Variants in CTTNBP2 observed in about 807,000 individuals in gnomAD.
CTTNBP2 encodes cortactin binding protein 2.
CTTNBP2 carries 108 observed loss-of-function variants against 156.9 expected under a neutral mutation model. That is an observed-to-expected ratio of 0.69 (90% confidence interval 0.59 to 0.81). CTTNBP2 has a LOEUF of 0.81. CTTNBP2 is among the 30% of genes least tolerant of loss of function. The probability of loss-of-function intolerance (pLI) is 0.00; values close to 1 mark genes in which losing one functional copy is unlikely to be tolerated. For missense variants in CTTNBP2, 1,924 were observed against 2,035.4 expected, an observed-to-expected ratio of 0.95 and a Z score of 1.05; for synonymous variants, 767 against 751.8, an observed-to-expected ratio of 1.02 and a Z score of -0.33.
chr7:117,767,077 G>C lies in CTTNBP2; in HGVS notation c.2878C>G (p.His960Asp), dbSNP rs138922172. 40 of 1,590,694 alleles carry C rather than the reference G, an allele frequency of 2.5e-5. No individual in the cohort carries two copies. In the African/African-American group the frequency reaches 5.4e-4, roughly 21 times the overall value. Residue 960 changes from histidine to aspartate, a missense_variant, in exon 9 of 23, where the codon CAT (histidine) becomes GAT (aspartate). By Grantham distance (81) the His-to-Asp change is moderately conservative (BLOSUM62 -1). Transcript: ENST00000160373. ...VHDVATDDCK[H>D]LLENLNALKI... ...CACTCACTCAGATTCTCCAGCAAAT[G>C]CTTGCAGTCATCAGTGGCAACATCA...
chr7:117,726,481 G>A (rs553232498), intron 17 of CTTNBP2, among the ~76,000 whole-genome samples: 2 of 152,190 alleles, frequency 1.3e-5, no homozygotes, highest in African/African-American at 4.8e-5. Flanking sequence ...ATGATAAGCT[G>A]TGGTCGGAAA....
At chr7:117,860,512 T>G (rs557149704) in intron 2 of CTTNBP2, among the ~76,000 whole-genome samples, 1 of 152,162 alleles carries the variant, frequency 6.6e-6, no homozygotes, top group East Asian at 1.9e-4. Context: ...CCGGCTAATT[T>G]TTTGTATTTT....
Position 117,865,885 on chromosome 7 carries a change from T to C in CTTNBP2, c.82-4569A>G, listed in dbSNP as rs28529477. Among the ~76,000 whole-genome samples the C allele has an allele frequency of 7.6e-3, 1,133 of 148,830 alleles. 13 individuals are homozygous for C. The highest frequency in any genetic ancestry group is 0.026 in the African/African-American group (1,052 of 40,992). Reference sequence around the variant, plus strand: ...ATACAAGTCATATATATTAATTTATTGTATGTTAATCTATTGTATATTACA... The same window carrying C: ...ATACAAGTCATATATATTAATTTATCGTATGTTAATCTATTGTATATTACA... On this transcript the variant is annotated intron_variant, in intron 1 of 22. Transcript: ENST00000160373.
intron 3 of CTTNBP2, among the ~76,000 whole-genome samples, chr7:117,795,118 G>T (rs1379956580): frequency 6.7e-6 from 1 of 149,684 alleles, no homozygotes; most frequent in Non-Finnish European, 1.5e-5. Flanking sequence ...GGATGGTCTC[G>T]ATCTCCTGAC....
intron 22 of CTTNBP2, chr7:117,714,003 C>T (rs533849110): frequency 2.1e-4 from 32 of 152,230 alleles, no homozygotes; most frequent in African/African-American, 7.5e-4. Flanking sequence ...CCTGATAAAA[C>T]AAAAAACAGA....
intron 2 of CTTNBP2, among the ~76,000 whole-genome samples, chr7:117,815,322 A>T (rs1548951): frequency 0.57 from 85,756 of 151,596 alleles, 24,349 homozygotes; most frequent in East Asian, 0.71. Context: ...CTATAATATG[A>T]ATGCAGTGCA....
At chr7:117,715,132 TAG>T (rs1794272202) in intron 22 of CTTNBP2, among the ~76,000 whole-genome samples, 1 of 152,092 alleles carries the variant, frequency 6.6e-6, no homozygotes, top group Admixed American at 6.6e-5. Context: ...ATGGGAAAGT[TAG>T]GGGCAGGAGG....
At position 117,791,375 on chromosome 7, in the gene CTTNBP2, G is replaced by A. The variant is rs150921296; in HGVS notation, c.1821C>T (p.Ser607=). The part of the protein sequence containing the change: ...VINEENLPKS[S]SPQLPPKPSI... ...ATGGTTTTGGTGGCAGCTGAGGGGA[G>A]GATGACTTAGGAAGGTTCTCCTCAT... The change falls in exon 4 of 23, where the codon TCC becomes TCT. Residue 607 remains serine, a synonymous_variant. Coordinates refer to ENST00000160373, the MANE Select transcript of CTTNBP2 (RefSeq NM_033427.3). 3.6e-5 allele frequency: 58 copies of A among 1,614,032 alleles called. No homozygotes were observed. Among genetic ancestry groups the A allele is most frequent in the Non-Finnish European group, 4.7e-5 (55 of 1,180,044 alleles).
rs760742753 is a variant in CTTNBP2 at position 117,810,907 on chromosome 7, T to C, written c.272A>G (p.Tyr91Cys). ...CTCTTTGTCACCAGCACCTGCTTCA[T>C]AGTCTCTCTGGAGTGCCAGGAACGG... ...NDPFLALQRDYEAGAGDKEKK... is the reference protein window; with the variant it reads ...NDPFLALQRDCEAGAGDKEKK... Residue 91 changes from tyrosine to cysteine, a missense_variant, in exon 3 of 23, where the codon TAT (tyrosine) becomes TGT (cysteine). Coordinates refer to ENST00000160373, the MANE Select transcript of CTTNBP2 (RefSeq NM_033427.3). The C allele has an allele frequency of 6.2e-7, 1 of 1,614,146 alleles. No individual in the cohort carries two copies. The highest frequency in any genetic ancestry group is 8.5e-7 in the Non-Finnish European group (1 of 1,180,018).
intron 6 of CTTNBP2, among the ~76,000 whole-genome samples, chr7:117,780,851 T>C (rs932432388): frequency 1.3e-5 from 2 of 152,246 alleles, no homozygotes; most frequent in Non-Finnish European, 2.9e-5. Context: ...TTTATGACAC[T>C]TCCCTATAAC....
Position 117,724,697 on chromosome 7 carries a change from T to G in CTTNBP2, c.4297A>C (p.Ser1433Arg), listed in dbSNP as rs142054374. The change falls in exon 19 of 23, where the codon AGT becomes CGT. Residue 1433 changes from serine to arginine, a missense_variant. Physicochemically the swap from Ser to Arg is moderately radical, Grantham distance 110. Coordinates refer to ENST00000160373, the MANE Select transcript of CTTNBP2 (RefSeq NM_033427.3). Reference sequence around the variant, plus strand: ...CTGGAAACTATGGATAAAGGGAAACTTCCTCCTTTGAAATCAGCTGTATGC... The same window carrying G: ...CTGGAAACTATGGATAAAGGGAAACGTCCTCCTTTGAAATCAGCTGTATGC... ...DQHTADFKGGSFPLSIVSSYN... is the reference protein window; with the variant it reads ...DQHTADFKGGRFPLSIVSSYN... The G allele has an allele frequency of 6.2e-7, 1 of 1,614,200 alleles. No individual in the cohort carries two copies. The highest frequency in any genetic ancestry group is 8.5e-7 in the Non-Finnish European group (1 of 1,180,026).
intron 2 of CTTNBP2, among the ~76,000 whole-genome samples, chr7:117,826,858 T>G (rs1324231391): frequency 6.9e-6 from 1 of 145,762 alleles, no homozygotes; most frequent in Non-Finnish European, 1.5e-5. Context: ...ATTATTATTA[T>G]TATTATTATT....
intron 4 of CTTNBP2, among the ~76,000 whole-genome samples, chr7:117,787,326 C>G (rs1232950284): frequency 6.6e-6 from 1 of 152,100 alleles, no homozygotes; most frequent in Non-Finnish European, 1.5e-5. Flanking sequence ...CACAACATGC[C>G]AGGAGGAAGG....
intron 5 of CTTNBP2, 116 bp downstream of exon 5, chr7:117,784,135 C>T: frequency 2.8e-6 from 2 of 725,030 alleles, no homozygotes; most frequent in Non-Finnish European, 2.2e-6. Context: ...TATCCATTAC[C>T]ACCTGTAAAA....
At chr7:117,806,915 C>T (rs1267197677) in intron 3 of CTTNBP2, among the ~76,000 whole-genome samples, 2 of 151,996 alleles carry the variant, frequency 1.3e-5, no homozygotes, top group African/African-American at 4.8e-5. Flanking sequence ...CATGCCACCA[C>T]ACCTGACTAA....
intron 1 of CTTNBP2, among the ~76,000 whole-genome samples, chr7:117,868,609 T>C (rs1804370412): frequency 6.6e-6 from 1 of 152,212 alleles, no homozygotes; most frequent in Non-Finnish European, 1.5e-5. Flanking sequence ...TTAAAAATCT[T>C]TCAATATCGA....
intron 17 of CTTNBP2, 31 bp from the exon 18 acceptor site, chr7:117,725,288 G>A (rs759067480): frequency 6.3e-7 from 1 of 1,585,630 alleles, no homozygotes; most frequent in African/African-American, 1.3e-5. Context: ...TCATCCCTTA[G>A]GAGCAGGCTT....
chr7:117,807,903 T>C (rs1175713733), intron 3 of CTTNBP2, among the ~76,000 whole-genome samples: 1 of 152,218 alleles, frequency 6.6e-6, no homozygotes, highest in East Asian at 1.9e-4. Context: ...ACTATTTCTA[T>C]AAACCAGACA....
At chr7:117,807,794 C>T (rs1800037190) in intron 3 of CTTNBP2, among the ~76,000 whole-genome samples, 1 of 152,212 alleles carries the variant, frequency 6.6e-6, no homozygotes, top group South Asian at 2.1e-4. Context: ...GCATCTCCTG[C>T]TGCAGACTAG....
Sources: gnomAD v4.1 joint callset for allele counts (sites outside exome capture counted in the v4.1 genomes callset) on GRCh38, gnomAD v4.1.1 for gene constraint, MANE v1.5 for transcripts, NCBI Gene and HGNC (gene_info 2026-07-23, HGNC 2026-07-21) for gene names.